The following NRG1 variants were observed in gnomAD, a reference collection of about 807,000 sequenced individuals.
NRG1 encodes the protein neuregulin 1, also known as pro-neuregulin-1, membrane-bound isoform.
A neutral mutation model predicts 63.8 loss-of-function variants in NRG1; 18 were observed. The ratio of observed to expected loss-of-function variants is 0.28; its 90% CI spans 0.19 to 0.42. The LOEUF is 0.42. NRG1 is among the 10% of genes least tolerant of loss of function. The probability of loss-of-function intolerance (pLI) is 1.00; values close to 1 mark genes in which losing one functional copy is unlikely to be tolerated. For missense variants in NRG1, 762 were observed against 814.7 expected, an observed-to-expected ratio of 0.94 and a Z score of 0.79; for synonymous variants, 302 against 301.3, an observed-to-expected ratio of 1.00 and a Z score of -0.02.
At chr8:32,225,351 A>C (rs1846213269) in intron 1 of NRG1, among the ~76,000 whole-genome samples, 1 of 152,208 alleles carries the variant, frequency 6.6e-6, no homozygotes. Flanking sequence ...TCCACACAGA[A>C]AGAAAGGGAA....
At chr8:32,696,360 AAC>A (rs1813297057) in intron 5 of NRG1, among the ~76,000 whole-genome samples, 1 of 152,200 alleles carries the variant, frequency 6.6e-6, no homozygotes, top group African/African-American at 2.4e-5. Flanking sequence ...TGAAAAAAAT[AAC>A]ACAGCACTCT....
At chr8:31,981,064 G>A (rs1025692487) in intron 1 of NRG1, among the ~76,000 whole-genome samples, 1 of 152,026 alleles carries the variant, frequency 6.6e-6, no homozygotes, top group African/African-American at 2.4e-5. Flanking sequence ...TCTGTAGAGT[G>A]ACAGAGCAAT....
At chr8:32,582,933 C>T (rs767628331) in intron 1 of NRG1, among the ~76,000 whole-genome samples, 14 of 152,290 alleles carry the variant, frequency 9.2e-5, no homozygotes, top group Non-Finnish European at 1.8e-4. Context: ...TTACTTTCTT[C>T]CTGGCCTTCC....
At chr8:32,683,174 A>G (rs534230075) in intron 5 of NRG1, among the ~76,000 whole-genome samples, 1 of 152,216 alleles carries the variant, frequency 6.6e-6, no homozygotes, top group Non-Finnish European at 1.5e-5. Context: ...CCATTTCTGC[A>G]TTTATGACCA....
At chr8:31,960,056 AG>A (rs1250994471) in intron 1 of NRG1, among the ~76,000 whole-genome samples, 1 of 152,186 alleles carries the variant, frequency 6.6e-6, no homozygotes, top group Non-Finnish European at 1.5e-5. Context: ...CTTTAGAAAC[AG>A]GTCTGCAAAG....
intron 1 of NRG1, among the ~76,000 whole-genome samples, chr8:32,155,344 C>T (rs1168373483): frequency 6.6e-6 from 1 of 152,116 alleles, no homozygotes; most frequent in Non-Finnish European, 1.5e-5. Context: ...AGTTTTCTTC[C>T]TTCAATTTTC....
chr8:31,710,760 T>C (rs557358813), intron 1 of NRG1, among the ~76,000 whole-genome samples: 87 of 152,214 alleles, frequency 5.7e-4, no homozygotes, highest in African/African-American at 2.1e-3. Context: ...GAGCTTGGTT[T>C]TACTTTCTCA....
intron 1 of NRG1, among the ~76,000 whole-genome samples, chr8:31,868,144 TCTTACACACACACACA>T (rs1368160957): frequency 3.2e-4 from 36 of 110,980 alleles, no homozygotes; most frequent in Admixed American, 4.2e-4. Flanking sequence ...CACACATACA[TCTTACACACACACACA>T]CACACACACA....
intron 1 of NRG1, among the ~76,000 whole-genome samples, chr8:32,509,978 T>G (rs1320709557): frequency 6.6e-6 from 1 of 152,064 alleles, no homozygotes; most frequent in Non-Finnish European, 1.5e-5. Flanking sequence ...ATCTAGTTTT[T>G]GGAATTTTTT....
intron 1 of NRG1, chr8:32,440,756 G>C (rs1321451796): frequency 6.6e-6 from 1 of 152,096 alleles, no homozygotes; most frequent in African/African-American, 2.4e-5. Flanking sequence ...CTAGACAGAG[G>C]ATGAAATGCA....
chr8:32,360,093 C>T (rs774135751), intron 1 of NRG1, among the ~76,000 whole-genome samples: 48 of 152,296 alleles, frequency 3.2e-4, no homozygotes, highest in Middle Eastern at 6.8e-3. Context: ...ATGATAATTT[C>T]GTGTATGCAA....
chr8:31,991,286 ACTT>A (rs747670093), intron 1 of NRG1, among the ~76,000 whole-genome samples: 74 of 151,434 alleles, frequency 4.9e-4, no homozygotes, highest in South Asian at 3.8e-3. Flanking sequence ...GACGACAACA[ACTT>A]CTTCTTCTTC....
chr8:32,059,814 CT>C (rs1823550819), intron 1 of NRG1, among the ~76,000 whole-genome samples: 5 of 151,868 alleles, frequency 3.3e-5, no homozygotes, highest in Non-Finnish European at 7.4e-5. Flanking sequence ...CTATGGGAAA[CT>C]TTATTTCTAT....
intron 1 of NRG1, among the ~76,000 whole-genome samples, chr8:32,094,393 C>T (rs2131301314): frequency 6.6e-6 from 1 of 152,300 alleles, no homozygotes; most frequent in East Asian, 1.9e-4. Flanking sequence ...GCTTTTGTGA[C>T]ATGCAGTGCT....
intron 1 of NRG1, among the ~76,000 whole-genome samples, chr8:32,156,821 C>T (rs370204809): frequency 8.5e-4 from 130 of 152,158 alleles, no homozygotes; most frequent in Non-Finnish European, 1.4e-3. Context: ...CTGTATTCTC[C>T]GCTACTCTGG....
At chr8:32,524,269 A>G (rs954819890) in intron 1 of NRG1, among the ~76,000 whole-genome samples, 41 of 152,212 alleles carry the variant, frequency 2.7e-4, no homozygotes, top group African/African-American at 9.1e-4. Flanking sequence ...CTCTTACCTT[A>G]GCTTCCTGAG....
At chr8:32,487,195 C>G (rs1826012429) in intron 1 of NRG1, among the ~76,000 whole-genome samples, 2 of 149,082 alleles carry the variant, frequency 1.3e-5, no homozygotes. Context: ...TTTTCAAACT[C>G]AAAAGAAAGA....
At chr8:32,493,612 G>A (rs1043251664) in intron 1 of NRG1, among the ~76,000 whole-genome samples, 4 of 152,112 alleles carry the variant, frequency 2.6e-5, no homozygotes, top group African/African-American at 9.7e-5. Flanking sequence ...ATTTCCCCGT[G>A]CTAATTGTCA....
chr8:31,674,682 T>A (rs1168723726), intron 1 of NRG1, among the ~76,000 whole-genome samples: 10 of 152,176 alleles, frequency 6.6e-5, no homozygotes, highest in Non-Finnish European at 1.5e-4. Flanking sequence ...GCACCTAGTT[T>A]AAACAGATTA....
Sources: allele counts gnomAD v4.1 joint callset (sites outside exome capture counted in the v4.1 genomes callset), GRCh38; gene constraint gnomAD v4.1.1; transcripts MANE v1.5; gene names NCBI Gene and HGNC (gene_info 2026-07-23, HGNC 2026-07-21).